SLIT1: variants seen among roughly 807,000 people sequenced by gnomAD.
SLIT1 encodes the protein slit guidance ligand 1.
Under a neutral mutation model 186.1 loss-of-function variants are expected in SLIT1, and 66 were observed. The ratio of observed to expected loss-of-function variants is 0.35; its 90% CI spans 0.29 to 0.44. The LOEUF (loss-of-function observed/expected upper bound fraction) is 0.44. Among genes scored for constraint, SLIT1 ranks in the 20% least tolerant of loss-of-function variants. SLIT1 has a pLI of 1.00. For synonymous variants in SLIT1, 761 were observed against 833.8 expected (o/e 0.91, Z 1.50); for missense variants, 1,638 against 2,037.4 (o/e 0.80, Z 3.77).
intron 28 of SLIT1, among the ~76,000 whole-genome samples, chr10:97,016,797 G>C (rs973274542): frequency 6.6e-6 from 1 of 152,220 alleles, no homozygotes; most frequent in Non-Finnish European, 1.5e-5. Flanking sequence ...GGAGTGTATA[G>C]TTTTTAGAAT....
intron 1 of SLIT1, 96 bp downstream of exon 1, chr10:97,185,381 GC>G: frequency 1.6e-6 from 2 of 1,229,872 alleles, no homozygotes. Context: ...GCCCGGACGG[GC>G]CCCAATGGTC....
At chr10:97,079,833 C>G (rs1416218971) in intron 4 of SLIT1, among the ~76,000 whole-genome samples, 2 of 152,146 alleles carry the variant, frequency 1.3e-5, no homozygotes, top group Non-Finnish European at 2.9e-5. Context: ...CTGTGTCTTC[C>G]TGGAGAACAG....
chr10:97,032,631 C>T (rs1464980674), intron 23 of SLIT1, among the ~76,000 whole-genome samples: 2 of 152,064 alleles, frequency 1.3e-5, no homozygotes, highest in African/African-American at 4.8e-5. Context: ...TTTCCAGAGC[C>T]CACAGGCTAA....
At chr10:97,081,622 C>A (rs1405128026) in intron 4 of SLIT1, among the ~76,000 whole-genome samples, 3 of 152,154 alleles carry the variant, frequency 2.0e-5, no homozygotes, top group Non-Finnish European at 2.9e-5. Context: ...ATATCTGCAG[C>A]CCCTGAGGCC....
intron 25 of SLIT1, among the ~76,000 whole-genome samples, chr10:97,030,265 C>T (rs1213072734): frequency 6.6e-6 from 1 of 152,178 alleles, no homozygotes; most frequent in Non-Finnish European, 1.5e-5. Context: ...TGAATTACAG[C>T]ACCTATTGGA....
intron 4 of SLIT1, among the ~76,000 whole-genome samples, chr10:97,115,433 C>A (rs577203001): frequency 2.0e-5 from 3 of 152,192 alleles, no homozygotes; most frequent in African/African-American, 7.2e-5. Context: ...TGAAACCTCT[C>A]CAGTTTCTTC....
chr10:97,000,757 C>A lies in SLIT1; in HGVS notation c.*355G>T. The A allele has an allele frequency of 4.5e-6, 1 of 223,910 alleles. No individual in the cohort carries two copies. Among genetic ancestry groups the A allele is most frequent in the Non-Finnish European group, 8.8e-6 (1 of 114,032 alleles). 13.9% of individuals were successfully genotyped at this position (223,910 alleles called of 1,614,324 possible). A position where few individuals can be genotyped will look rare whatever the true frequency, so the allele number is the denominator to read the frequency against. ...GGGAAGGGTTGGTTTGGAAGGCTGT[C>A]ATTTTTCTTCTCCAGATTCAGATAG... On this transcript the variant is annotated 3_prime_UTR_variant, in exon 37 of 37. Coordinates refer to ENST00000266058, the MANE Select transcript of SLIT1 (RefSeq NM_003061.3).
intron 23 of SLIT1, among the ~76,000 whole-genome samples, chr10:97,033,581 A>G (rs1055048439): frequency 6.6e-6 from 1 of 152,212 alleles, no homozygotes; most frequent in African/African-American, 2.4e-5. Flanking sequence ...AGCAATGAGA[A>G]TGAACAGACC....
intron 4 of SLIT1, chr10:97,103,763 T>C (rs1849385064): frequency 6.6e-6 from 1 of 152,226 alleles, no homozygotes; most frequent in African/African-American, 2.4e-5. Flanking sequence ...ATGTGAGTGT[T>C]GTTGCCCAGT....
intron 1 of SLIT1, among the ~76,000 whole-genome samples, chr10:97,166,874 C>T (rs1850128200): frequency 6.6e-6 from 1 of 152,130 alleles, no homozygotes; most frequent in Non-Finnish European, 1.5e-5. Context: ...GGTGCCTTCC[C>T]AAGGTCACCT....
chr10:97,049,984 G>T (rs1848773344), intron 13 of SLIT1, among the ~76,000 whole-genome samples: 1 of 152,170 alleles, frequency 6.6e-6, no homozygotes, highest in Non-Finnish European at 1.5e-5. Context: ...CACAGCACTG[G>T]GCATGCCCTG....
rs1027676340 is a variant in SLIT1 at position 97,184,255 on chromosome 10, G to A, written c.197+1223C>T. 3.3e-5 allele frequency among the ~76,000 whole-genome samples: 5 copies of A among 152,154 alleles called. No homozygotes were observed. The highest frequency in any genetic ancestry group is 9.7e-5 in the African/African-American group (4 of 41,418). On this transcript the variant is annotated intron_variant, in intron 1 of 36. Transcript: ENST00000266058. This position sits in a 1 kb window ranked among gnomAD's most constrained non-coding sequence, Gnocchi z 4.4. ...AGCTGGGGGCCATGAAAATGTGCTC[G>A]AAAGTTATCAAAATATGCACACCTT...
chr10:97,079,610 T>G (rs1022554307), intron 4 of SLIT1, among the ~76,000 whole-genome samples: 2 of 152,152 alleles, frequency 1.3e-5, no homozygotes, highest in Non-Finnish European at 2.9e-5. Context: ...TTTTAAGCAG[T>G]GGGAAGATTC....
intron 8 of SLIT1, among the ~76,000 whole-genome samples, chr10:97,062,166 A>G (rs1235056766): frequency 6.6e-6 from 1 of 152,250 alleles, no homozygotes; most frequent in African/African-American, 2.4e-5. Flanking sequence ...GTCCTGGCTC[A>G]CACAAGAGAC....
intron 4 of SLIT1, among the ~76,000 whole-genome samples, chr10:97,104,665 G>T (rs137999898): frequency 2.3e-4 from 35 of 151,948 alleles, no homozygotes; most frequent in Non-Finnish European, 4.6e-4. Flanking sequence ...CACCACACGT[G>T]CCCAGCTACA....
chr10:97,046,899 C>T, intron 17 of SLIT1, 92 bp downstream of exon 17: 2 of 1,575,662 alleles, frequency 1.3e-6, no homozygotes, highest in East Asian at 2.2e-5. Flanking sequence ...GTCCTGGCCC[C>T]CCGCCGTGGG....
At chr10:97,145,346 G>A (rs1849806257) in intron 4 of SLIT1, among the ~76,000 whole-genome samples, 1 of 152,106 alleles carries the variant, frequency 6.6e-6, no homozygotes, top group Non-Finnish European at 1.5e-5. Flanking sequence ...TCGAACTCCT[G>A]ACCTCGCGAC....
chr10:97,147,643 A>G (rs370749560), intron 4 of SLIT1, among the ~76,000 whole-genome samples: 46 of 151,528 alleles, frequency 3.0e-4, no homozygotes, highest in African/African-American at 1.0e-3. Flanking sequence ...AGGGGGGGGA[A>G]GGAGGCCTTT....
intron 13 of SLIT1, 146 bp from the exon 14 acceptor site, chr10:97,049,264 G>A: frequency 3.2e-6 from 3 of 936,700 alleles, no homozygotes; most frequent in Non-Finnish European, 4.7e-6. Context: ...GAAAGAGAGA[G>A]TGGGGTGAAC....
Sources: allele counts gnomAD v4.1 joint callset (sites outside exome capture counted in the v4.1 genomes callset), GRCh38; gene constraint gnomAD v4.1.1; non-coding constraint Gnocchi (gnomAD v3.1); transcripts MANE v1.5; gene names NCBI Gene and HGNC (gene_info 2026-07-23, HGNC 2026-07-21).